LRP1B: variants seen among roughly 807,000 people sequenced by gnomAD.
LRP1B encodes low-density lipoprotein receptor-related protein 1B.
LRP1B carries 217 observed loss-of-function variants against 556.6 expected under a neutral mutation model. The observed-to-expected ratio is 0.39, with a 90% CI of 0.35 to 0.44. The LOEUF (loss-of-function observed/expected upper bound fraction) is 0.44, where lower values mean the gene tolerates loss of function less well. Among genes scored for constraint, LRP1B ranks in the 20% least tolerant of loss-of-function variants. The pLI is 1.00. For missense variants in LRP1B, 5,053 were observed against 5,620.8 expected (o/e 0.90, Z 3.23); for synonymous variants, 2,047 against 1,865.8 (o/e 1.10, Z -2.50).
intron 2 of LRP1B, among the ~76,000 whole-genome samples, chr2:141,780,657 C>G (rs2105637693): frequency 6.6e-6 from 1 of 152,248 alleles, no homozygotes; most frequent in Admixed American, 6.5e-5. Context: ...CCGGGTCCAG[C>G]CACCTACTAC....
Position 141,553,468 on chromosome 2 carries a change from A to T in LRP1B, c.206-72935T>A, listed in dbSNP as rs374258911. ...AGTTAGCCACATGTGCATACTGGAC[A>T]AATTATCCCAAATTTTTTCTCGGTC... On this transcript the variant is annotated intron_variant, in intron 2 of 90. Transcript: ENST00000389484. Among the ~76,000 whole-genome samples, 7 of 151,632 alleles carry T rather than the reference A, an allele frequency of 4.6e-5. No individual in the cohort carries two copies. The East Asian group carries it at 1.4e-3, about 29-fold the overall frequency.
intron 32 of LRP1B, among the ~76,000 whole-genome samples, chr2:140,793,469 T>C (rs1690193219): frequency 6.6e-6 from 1 of 151,956 alleles, no homozygotes; most frequent in Admixed American, 6.6e-5. Flanking sequence ...TATGAACATT[T>C]TGCTGTCACT....
chr2:140,410,615 T>C (rs1684933915), intron 66 of LRP1B, among the ~76,000 whole-genome samples: 2 of 152,152 alleles, frequency 1.3e-5, no homozygotes, highest in Non-Finnish European at 2.9e-5. Flanking sequence ...AATAAAATTC[T>C]CATTTTAATA....
At chr2:141,600,346 C>A (rs950077256) in intron 2 of LRP1B, among the ~76,000 whole-genome samples, 1 of 152,150 alleles carries the variant, frequency 6.6e-6, no homozygotes, top group South Asian at 2.1e-4. Flanking sequence ...GAATCTAATA[C>A]ACAATACATA....
At chr2:142,008,421 C>T (rs1351342111) in intron 1 of LRP1B, among the ~76,000 whole-genome samples, 1 of 152,162 alleles carries the variant, frequency 6.6e-6, no homozygotes, top group Non-Finnish European at 1.5e-5. Flanking sequence ...GATTCAAATG[C>T]AGCCTTACAC....
intron 1 of LRP1B, among the ~76,000 whole-genome samples, chr2:141,950,219 T>C (rs770333528): frequency 2.6e-5 from 4 of 152,172 alleles, no homozygotes; most frequent in Non-Finnish European, 5.9e-5. Flanking sequence ...ATTTTCCAAA[T>C]TGAATTTCTG....
In LRP1B at chr2:140,510,000, G is replaced by A. The variant is rs147664022; in HGVS notation, c.8326C>T (p.Pro2776Ser). 47 of 1,613,830 alleles carry A rather than the reference G, an allele frequency of 2.9e-5. No homozygotes were observed. Among genetic ancestry groups the A allele is most frequent in the Non-Finnish European group, 3.7e-5 (44 of 1,180,030 alleles). ...TCACCATCACAAAGCCAATGTCGGG[G>A]CACGCAGGCACGAGAGCCCTGGCAG... The part of the protein sequence containing the change: ...FSCQGSRACV[P>S]RHWLCDGERD... Residue 2776 changes from proline (P) to serine (S), a missense_variant, in exon 52 of 91, where the codon CCC (proline) becomes TCC (serine). By Grantham distance (74) the Pro-to-Ser change is moderately conservative (BLOSUM62 -1). Coordinates refer to ENST00000389484, the MANE Select transcript of LRP1B (RefSeq NM_018557.3).
rs556503983 is a variant in LRP1B, at chr2:140,382,703, C to T, written c.10531+3190G>A. Among the ~76,000 whole-genome samples, 36 of 152,236 alleles carry T rather than the reference C, an allele frequency of 2.4e-4. 1 individual carries two copies. Among genetic ancestry groups the T allele is most frequent in the Non-Finnish European group, 4.3e-4 (29 of 67,990 alleles). Reference sequence around the variant, plus strand: ...GCCCCACTACTATTTGAACTCTTCCCATATCTATCACTGGACTATCTCCAA... The same window carrying T: ...GCCCCACTACTATTTGAACTCTTCCTATATCTATCACTGGACTATCTCCAA... On this transcript the variant is annotated intron_variant, in intron 67 of 90. Coordinates refer to ENST00000389484, the MANE Select transcript of LRP1B (RefSeq NM_018557.3).
At chr2:141,285,371 G>C (rs1273565694) in intron 3 of LRP1B, among the ~76,000 whole-genome samples, 1 of 151,386 alleles carries the variant, frequency 6.6e-6, no homozygotes, top group Non-Finnish European at 1.5e-5. Context: ...ACAGGCGTGA[G>C]CTACCACGCC....
At chr2:140,387,062 C>T (rs1437996918) in intron 66 of LRP1B, among the ~76,000 whole-genome samples, 1 of 152,098 alleles carries the variant, frequency 6.6e-6, no homozygotes, top group Non-Finnish European at 1.5e-5. Context: ...TTAAATAACA[C>T]TAAAATGATA....
intron 66 of LRP1B, among the ~76,000 whole-genome samples, chr2:140,418,461 A>G (rs2105261146): frequency 6.6e-6 from 1 of 152,300 alleles, no homozygotes; most frequent in Non-Finnish European, 1.5e-5. Flanking sequence ...TCTTAAAAGT[A>G]TGTTTGAGAA....
At chr2:140,863,574 A>T (rs190164030) in intron 27 of LRP1B, among the ~76,000 whole-genome samples, 2 of 152,030 alleles carry the variant, frequency 1.3e-5, no homozygotes, top group Admixed American at 1.3e-4. Flanking sequence ...GCATGATCTG[A>T]CCCCTGCCCA....
Position 141,044,994 on chromosome 2 carries a change from A to G in LRP1B, c.1789+3992T>C, listed in dbSNP as rs185131457. Among the ~76,000 whole-genome samples the G allele has an allele frequency of 3.8e-3, 579 of 151,774 alleles. 5 individuals are homozygous for G. Among genetic ancestry groups the G allele is most frequent in the African/African-American group, 0.013 (537 of 41,398 alleles). Reference sequence around the variant, plus strand: ...ACGTATGTTTATTGCAGCATTATTCATGATAGCAAAGACTTGGAACCAACC... The same window carrying G: ...ACGTATGTTTATTGCAGCATTATTCGTGATAGCAAAGACTTGGAACCAACC... On this transcript the variant is annotated intron_variant, in intron 11 of 90. Coordinates refer to ENST00000389484, the MANE Select transcript of LRP1B (RefSeq NM_018557.3).
intron 3 of LRP1B, among the ~76,000 whole-genome samples, chr2:141,444,912 G>T (rs1437787702): frequency 2.6e-5 from 4 of 152,154 alleles, no homozygotes; most frequent in Non-Finnish European, 4.4e-5. Context: ...TCTCTGTCAG[G>T]TTCTGGTATC....
Position 140,404,421 on chromosome 2 carries a change from T to C in LRP1B, c.10415-18412A>G, listed in dbSNP as rs192453214. Reference sequence around the variant, plus strand: ...TCTCCTGACCTCATGATCCGCCCACTTCGGCCTCCCAATGTGCTGGGATTG... The same window carrying C: ...TCTCCTGACCTCATGATCCGCCCACCTCGGCCTCCCAATGTGCTGGGATTG... On this transcript the variant is annotated intron_variant, in intron 66 of 90. Transcript: ENST00000389484. Among the ~76,000 whole-genome samples the C allele has an allele frequency of 2.7e-3, 412 of 151,998 alleles. 3 individuals carry two copies. The highest frequency in any genetic ancestry group is 9.3e-3 in the African/African-American group (384 of 41,478).
chr2:140,757,996 G>A (rs972933596), intron 35 of LRP1B, among the ~76,000 whole-genome samples: 1 of 152,088 alleles, frequency 6.6e-6, no homozygotes, highest in Non-Finnish European at 1.5e-5. Context: ...TTCTACAATT[G>A]TATATTAATG....
chr2:140,962,325 C>T (rs997602889), intron 18 of LRP1B, among the ~76,000 whole-genome samples: 2 of 152,146 alleles, frequency 1.3e-5, no homozygotes, highest in African/African-American at 2.4e-5. Flanking sequence ...AGAGCAGAAA[C>T]TTTGCCTTTT....
At chr2:141,080,526 C>T (rs531769801) in intron 7 of LRP1B, among the ~76,000 whole-genome samples, 12 of 152,236 alleles carry the variant, frequency 7.9e-5, no homozygotes, top group Admixed American at 5.9e-4. Flanking sequence ...CTTGAACAAA[C>T]GTGGTAGCAT....
intron 82 of LRP1B, among the ~76,000 whole-genome samples, chr2:140,320,595 T>C (rs1237844222): frequency 6.6e-6 from 1 of 152,078 alleles, no homozygotes; most frequent in East Asian, 1.9e-4. Context: ...TACATTTTTT[T>C]TTTTTCCTTT....
Sources: allele counts gnomAD v4.1 joint callset (sites outside exome capture counted in the v4.1 genomes callset), GRCh38; gene constraint gnomAD v4.1.1; transcripts MANE v1.5; gene names NCBI Gene and HGNC (gene_info 2026-07-23, HGNC 2026-07-21).